Variants in CENPW observed in about 807,000 individuals in gnomAD.
The protein encoded by CENPW is cancer-up-regulated gene 2 protein.
Under a neutral mutation model 11.1 loss-of-function variants are expected in CENPW, and 3 were observed. The observed-to-expected ratio is 0.27, with a 90% CI of 0.12 to 0.70. CENPW has a LOEUF of 0.70. Among genes scored for constraint, CENPW ranks in the 30% least tolerant of loss-of-function variants. The probability of loss-of-function intolerance (pLI) is 0.77; values close to 1 mark genes in which losing one functional copy is unlikely to be tolerated. For missense variants in CENPW, 100 were observed against 105.6 expected (o/e 0.95, Z 0.23); for synonymous variants, 38 against 42.0 (o/e 0.91, Z 0.37).
At chr6:126,364,267 G>C in the CENPW span, among the ~76,000 whole-genome samples, 3 of 152,276 alleles carry the variant, frequency 2.0e-5, no homozygotes, top group African/African-American at 7.2e-5. Flanking sequence ...AACTCATCCT[G>C]TTTTGACCTA....
At chr6:126,447,162 T>C in the CENPW span, among the ~76,000 whole-genome samples, 2 of 151,190 alleles carry the variant, frequency 1.3e-5, no homozygotes, top group Admixed American at 1.3e-4. Context: ...TACAGAGGCT[T>C]AGCTCCAGAG....
chr6:126,406,464 C>T, the CENPW span, among the ~76,000 whole-genome samples: 3 of 151,914 alleles, frequency 2.0e-5, no homozygotes, highest in Non-Finnish European at 2.9e-5. Context: ...GTTTTACTAT[C>T]AGAGTAATGC....
the CENPW span, among the ~76,000 whole-genome samples, chr6:126,478,439 C>T: frequency 1.3e-5 from 2 of 151,300 alleles, no homozygotes; most frequent in Non-Finnish European, 3.0e-5. Context: ...TCTCTGTGGG[C>T]GTGTGTATAA....
chr6:126,481,446 G>T, the CENPW span, among the ~76,000 whole-genome samples: 1 of 152,068 alleles, frequency 6.6e-6, no homozygotes, highest in Non-Finnish European at 1.5e-5. Flanking sequence ...TCAAGGGGCT[G>T]CATCTAGTGA....
intron 1 of CENPW, 97 bp downstream of exon 1, chr6:126,340,496 GCT>G (rs1780282695): frequency 6.4e-7 from 1 of 1,563,942 alleles, no homozygotes; most frequent in Non-Finnish European, 8.8e-7. Context: ...CCAATTTATA[GCT>G]CTTTCAGGCC....
At chr6:126,462,302 A>T in the CENPW span, among the ~76,000 whole-genome samples, 1 of 151,968 alleles carries the variant, frequency 6.6e-6, no homozygotes, top group Non-Finnish European at 1.5e-5. Context: ...TTACTTATGT[A>T]ACTTATAACT....
At chr6:126,359,082 C>T in the CENPW span, among the ~76,000 whole-genome samples, 11 of 151,676 alleles carry the variant, frequency 7.3e-5, no homozygotes, top group African/African-American at 2.7e-4. Flanking sequence ...AGAATTTCCT[C>T]TTAACACTGC....
At chr6:126,404,370 C>G in the CENPW span, among the ~76,000 whole-genome samples, 2 of 152,016 alleles carry the variant, frequency 1.3e-5, no homozygotes, top group African/African-American at 4.8e-5. Context: ...TCTGAGCAAA[C>G]TAAATTGAAA....
At chr6:126,350,847 T>C (rs1482986881), downstream of CENPW, among the ~76,000 whole-genome samples, 3 of 152,048 alleles carry the variant, frequency 2.0e-5, no homozygotes, top group Non-Finnish European at 2.9e-5. Flanking sequence ...AATTATATTC[T>C]GAACAAAAAT....
At chr6:126,427,806 A>G in the CENPW span, among the ~76,000 whole-genome samples, 5 of 152,218 alleles carry the variant, frequency 3.3e-5, no homozygotes, top group Non-Finnish European at 7.3e-5. Context: ...AGTGTTAGGA[A>G]CACATAGGTG....
At chr6:126,442,756 T>G in the CENPW span, among the ~76,000 whole-genome samples, 2 of 151,200 alleles carry the variant, frequency 1.3e-5, no homozygotes, top group African/African-American at 4.8e-5. Flanking sequence ...ATTTTAGGCA[T>G]AAAAATAAGC....
chr6:126,410,186 T>G, the CENPW span, among the ~76,000 whole-genome samples: 1 of 152,120 alleles, frequency 6.6e-6, no homozygotes, highest in East Asian at 1.9e-4. Flanking sequence ...GCCAGTCTAG[T>G]GGTGATGAAT....
At chr6:126,452,526 A>T in the CENPW span, among the ~76,000 whole-genome samples, 1 of 151,088 alleles carries the variant, frequency 6.6e-6, no homozygotes, top group Non-Finnish European at 1.5e-5. Context: ...GAGCAGAATA[A>T]AGATGACAGA....
At chr6:126,410,708 G>C in the CENPW span, among the ~76,000 whole-genome samples, 1 of 151,476 alleles carries the variant, frequency 6.6e-6, no homozygotes, top group Non-Finnish European at 1.5e-5. Context: ...TTTTCCCTGT[G>C]AGTAATTTTA....
chr6:126,353,623 G>T (rs193022103), downstream of CENPW, among the ~76,000 whole-genome samples: 4 of 152,006 alleles, frequency 2.6e-5, no homozygotes, highest in Admixed American at 2.0e-4. Flanking sequence ...ATAGGATGGT[G>T]TTTTTCTTCA....
At chr6:126,399,792 A>G in the CENPW span, among the ~76,000 whole-genome samples, 1 of 152,054 alleles carries the variant, frequency 6.6e-6, no homozygotes, top group African/African-American at 2.4e-5. Flanking sequence ...TGGTTAGAAT[A>G]TTTCAGTCAT....
chr6:126,417,145 GGA>G, the CENPW span, among the ~76,000 whole-genome samples: 28 of 152,208 alleles, frequency 1.8e-4, no homozygotes, highest in African/African-American at 6.5e-4. Context: ...TGAAATCAAA[GGA>G]GATCATTTTG....
the CENPW span, among the ~76,000 whole-genome samples, chr6:126,402,343 C>T: frequency 6.6e-6 from 1 of 151,680 alleles, no homozygotes; most frequent in African/African-American, 2.4e-5. Flanking sequence ...CTCCATCTTT[C>T]TTCTCCTGCC....
chr6:126,345,452 A>G (rs1442720387), intron 1 of CENPW, among the ~76,000 whole-genome samples: 1 of 151,974 alleles, frequency 6.6e-6, no homozygotes, highest in Non-Finnish European at 1.5e-5. Context: ...TTATATTCTT[A>G]TTTTAAAATA....
Sources: allele counts gnomAD v4.1 joint callset (sites outside exome capture counted in the v4.1 genomes callset), GRCh38; gene constraint gnomAD v4.1.1; transcripts MANE v1.5; gene names NCBI Gene and HGNC (gene_info 2026-07-23, HGNC 2026-07-21).